The following TLE4 variants were observed in gnomAD, a reference collection of about 807,000 sequenced individuals.
TLE4 encodes the protein TLE family member 4, transcriptional corepressor.
TLE4 carries 8 observed loss-of-function variants against 92.8 expected under a neutral mutation model. The ratio of observed to expected loss-of-function variants is 0.09; its 90% CI spans 0.05 to 0.16. The LOEUF is 0.16. Ranked by LOEUF, TLE4 falls within the 10% of genes least tolerant of loss-of-function variation. The pLI is 1.00. For synonymous variants in TLE4, 371 were observed against 374.1 expected (o/e 0.99, Z 0.10); for missense variants, 675 against 997.6 (o/e 0.68, Z 4.36).
intron 19 of TLE4, 52 bp from the exon 20 acceptor site, chr9:79,724,985 A>C (rs1331885485): frequency 7.0e-7 from 1 of 1,427,052 alleles, no homozygotes; most frequent in Non-Finnish European, 9.8e-7. Context: ...CTCCATACTC[A>C]TGGGATTTTC....
Position 79,654,084 on chromosome 9 carries a change from C to A in TLE4, c.609+9C>A. On this transcript the variant is annotated intron_variant, in intron 8 of 19. Transcript: ENST00000376552. Reference sequence around the variant, plus strand: ...ACAGAGACTCCATCAAGGTAGGACTCAAAATTTACAGACTAAGGAATGGCT... The same window carrying A: ...ACAGAGACTCCATCAAGGTAGGACTAAAAATTTACAGACTAAGGAATGGCT... 1 of 1,612,866 alleles carries A rather than the reference C, an allele frequency of 6.2e-7. No homozygotes were observed. The highest frequency in any genetic ancestry group is 1.3e-5 in the African/African-American group (1 of 74,936).
chr9:79,724,322 G>A (rs999251848), intron 19 of TLE4, among the ~76,000 whole-genome samples: 1 of 151,998 alleles, frequency 6.6e-6, no homozygotes, highest in African/African-American at 2.4e-5. Flanking sequence ...GACCTGTGCC[G>A]TGTTCCACAG....
intron 8 of TLE4, among the ~76,000 whole-genome samples, chr9:79,661,939 A>T (rs187073308): frequency 2.2e-4 from 34 of 152,298 alleles, no homozygotes; most frequent in Middle Eastern, 3.4e-3. Context: ...CCCTGGGTTC[A>T]GTTTTGCCTC....
intron 8 of TLE4, among the ~76,000 whole-genome samples, chr9:79,655,294 ATC>A (rs1234941708): frequency 3.3e-5 from 5 of 152,220 alleles, no homozygotes; most frequent in Admixed American, 1.3e-4. Flanking sequence ...ATTTCTTTAT[ATC>A]TTACAACAGT....
Position 79,597,344 on chromosome 9 carries a change from T to C in TLE4, c.253-15312T>C, listed in dbSNP as rs140951591. The stretch of plus-strand genomic sequence containing the variant: ...ATCTACCTTTTGGTGTTGGGTCATT[T>C]TTTAGGGTCCCTTCTCTGACCTTGG... On this transcript the variant is annotated intron_variant, in intron 4 of 19. Coordinates refer to ENST00000376552, the MANE Select transcript of TLE4 (RefSeq NM_007005.6). 1.8e-4 allele frequency among the ~76,000 whole-genome samples: 28 copies of C among 152,332 alleles called. No homozygotes were observed. In the East Asian group the frequency reaches 5.4e-3, roughly 29 times the overall value.
intron 4 of TLE4, among the ~76,000 whole-genome samples, chr9:79,603,439 C>A (rs138557661): frequency 6.6e-6 from 1 of 152,276 alleles, no homozygotes; most frequent in African/African-American, 2.4e-5. Context: ...GCAAAAAGAT[C>A]ATGGCTCACT....
chr9:79,652,370 G>C (rs932288868), intron 6 of TLE4, among the ~76,000 whole-genome samples: 4 of 152,088 alleles, frequency 2.6e-5, no homozygotes, highest in African/African-American at 9.7e-5. Context: ...TGTATTTTTA[G>C]TAGAGACGGG....
rs185247853 is a variant in TLE4 at position 79,642,033 on chromosome 9, T to C, written c.391-10560T>C. On this transcript the variant is annotated intron_variant, in intron 6 of 19. Transcript: ENST00000376552. ...GCACATAGTAGTGTTTGGTAAACTTTGTTAATTTACACGTATATTCTATGT... is the reference window on the plus strand; with the variant it reads ...GCACATAGTAGTGTTTGGTAAACTTCGTTAATTTACACGTATATTCTATGT... Among the ~76,000 whole-genome samples, 188 of 152,108 alleles carry C rather than the reference T, an allele frequency of 1.2e-3. 1 individual carries two copies. The highest frequency in any genetic ancestry group is 3.7e-3 in the African/African-American group (155 of 41,490).
At chr9:79,700,841 TAC>T (rs894110221) in intron 8 of TLE4, among the ~76,000 whole-genome samples, 12 of 151,944 alleles carry the variant, frequency 7.9e-5, no homozygotes, top group Admixed American at 7.9e-4. Context: ...TTTGCTGAGA[TAC>T]ACACACACAT....
chr9:79,711,616 G>A (rs1051286592), intron 14 of TLE4, among the ~76,000 whole-genome samples: 5 of 152,218 alleles, frequency 3.3e-5, no homozygotes, highest in South Asian at 2.1e-4. Context: ...CTGCTGCTTC[G>A]AGGGGCAAGG....
rs1176438795 is a variant in TLE4 at position 79,652,188 on chromosome 9, C to CT, written c.391-400dup. 2.1e-3 allele frequency among the ~76,000 whole-genome samples: 314 copies of CT among 151,372 alleles called. 1 individual carries two copies. Among genetic ancestry groups the CT allele is most frequent in the African/African-American group, 7.3e-3 (301 of 41,262 alleles). On this transcript the variant is annotated intron_variant, in intron 6 of 19. Coordinates refer to ENST00000376552, the MANE Select transcript of TLE4 (RefSeq NM_007005.6). ...ATCTTACGTAGGTGTTGGCTTTTTT[C>CT]TTTTTCTTTTTTTTTTGAGATGGAG...
intron 19 of TLE4, among the ~76,000 whole-genome samples, chr9:79,723,408 G>GT (rs539760985): frequency 5.0e-4 from 76 of 152,224 alleles, no homozygotes; most frequent in African/African-American, 1.5e-3. Context: ...AGTAGTAGTA[G>GT]TTTTTTTATT....
At chr9:79,658,257 T>G (rs765032328) in intron 8 of TLE4, among the ~76,000 whole-genome samples, 1 of 152,232 alleles carries the variant, frequency 6.6e-6, no homozygotes, top group South Asian at 2.1e-4. Flanking sequence ...TATGGAACTT[T>G]ATAGTTTTTG....
At chr9:79,577,450 G>A (rs928060774) in intron 4 of TLE4, among the ~76,000 whole-genome samples, 2 of 152,168 alleles carry the variant, frequency 1.3e-5, no homozygotes, top group Non-Finnish European at 2.9e-5. Flanking sequence ...TAGCATTATA[G>A]TATAGTTTGA....
intron 8 of TLE4, among the ~76,000 whole-genome samples, chr9:79,678,444 A>G (rs1345256793): frequency 6.6e-6 from 1 of 152,002 alleles, no homozygotes; most frequent in African/African-American, 2.4e-5. Context: ...AAAATAATGA[A>G]TTTATTCTAT....
intron 6 of TLE4, among the ~76,000 whole-genome samples, chr9:79,638,465 T>G (rs1156994836): frequency 6.6e-6 from 1 of 152,134 alleles, no homozygotes; most frequent in Non-Finnish European, 1.5e-5. Context: ...CCCAACCTCT[T>G]AAGAAAAACT....
chr9:79,665,498 T>C lies in TLE4; in HGVS notation c.609+11423T>C, dbSNP rs1459310602. 2.6e-5 allele frequency among the ~76,000 whole-genome samples: 4 copies of C among 152,234 alleles called. No individual in the cohort carries two copies. The South Asian group carries it at 8.3e-4, about 31-fold the overall frequency. On this transcript the variant is annotated intron_variant, in intron 8 of 19. Coordinates refer to ENST00000376552, the MANE Select transcript of TLE4 (RefSeq NM_007005.6). ...AGTCCTGAATTCTTTAAAATGTGCA[T>C]ATAAAACCAGTTTATGATGATGGGA...
intron 8 of TLE4, among the ~76,000 whole-genome samples, chr9:79,696,268 A>T (rs1427412764): frequency 2.0e-5 from 3 of 152,254 alleles, no homozygotes; most frequent in African/African-American, 7.2e-5. Flanking sequence ...CATTTAAAAA[A>T]ATCTGACTAT....
At chr9:79,627,709 C>A in intron 6 of TLE4, 1 of 421,712 alleles carries the variant, frequency 2.4e-6, no homozygotes, top group Non-Finnish European at 4.3e-6. Flanking sequence ...TATTTCTTTG[C>A]TTTGCAATCA....
Sources: allele counts gnomAD v4.1 joint callset (sites outside exome capture counted in the v4.1 genomes callset), GRCh38; gene constraint gnomAD v4.1.1; transcripts MANE v1.5; gene names NCBI Gene and HGNC (gene_info 2026-07-23, HGNC 2026-07-21).